Variants in WDFY1 observed in about 807,000 individuals in gnomAD.
The protein encoded by WDFY1 is WD repeat and FYVE domain containing 1.
In WDFY1, 32 loss-of-function variants were observed where a neutral mutation model predicts 56.4. That is an observed-to-expected ratio of 0.57 (90% CI 0.43 to 0.76). The LOEUF is 0.76. Ranked by LOEUF, WDFY1 falls within the 30% of genes least tolerant of loss-of-function variation. The pLI is 0.00. For missense variants in WDFY1, 480 were observed against 545.7 expected (o/e 0.88, Z 1.20); for synonymous variants, 192 against 197.3 (o/e 0.97, Z 0.23).
At chr2:223,921,141 G>A (rs1693878879) in intron 1 of WDFY1, among the ~76,000 whole-genome samples, 1 of 152,140 alleles carries the variant, frequency 6.6e-6, no homozygotes, top group South Asian at 2.1e-4. Context: ...ATATGTATTT[G>A]TTAGAACCTG....
At chr2:223,886,060 T>C (rs776446954) in intron 8 of WDFY1, among the ~76,000 whole-genome samples, 2 of 152,120 alleles carry the variant, frequency 1.3e-5, no homozygotes, top group South Asian at 2.1e-4. Flanking sequence ...ACTTAGAAAA[T>C]AGGCCAGGTG....
intron 1 of WDFY1, among the ~76,000 whole-genome samples, chr2:223,926,231 A>C (rs1693976039): frequency 6.6e-6 from 1 of 151,632 alleles, no homozygotes; most frequent in African/African-American, 2.4e-5. Context: ...ACTGCAACCT[A>C]TGCTTCCCAG....
intron 1 of WDFY1, among the ~76,000 whole-genome samples, chr2:223,927,133 T>G (rs952777160): frequency 6.6e-6 from 1 of 152,208 alleles, no homozygotes; most frequent in Non-Finnish European, 1.5e-5. Flanking sequence ...TAATTCTTAA[T>G]GGTCTTAGGA....
chr2:223,927,928 G>A (rs1231854938), intron 1 of WDFY1, among the ~76,000 whole-genome samples: 1 of 152,116 alleles, frequency 6.6e-6, no homozygotes, highest in South Asian at 2.1e-4. Context: ...GGGGGGAAAG[G>A]GGGAAAGGAG....
chr2:223,897,390 A>ATATATT (rs1461451983), intron 6 of WDFY1, among the ~76,000 whole-genome samples: 44 of 125,982 alleles, frequency 3.5e-4, no homozygotes, highest in Non-Finnish European at 6.1e-4. Context: ...ATATATATAT[A>ATATATT]TTTTTTAAGA....
At chr2:223,921,085 A>G (rs1693877999) in intron 1 of WDFY1, among the ~76,000 whole-genome samples, 1 of 152,126 alleles carries the variant, frequency 6.6e-6, no homozygotes, top group Non-Finnish European at 1.5e-5. Context: ...AAGAGAGAAA[A>G]CTTTCTAGGG....
At chr2:223,932,328 T>C (rs1255077755) in intron 1 of WDFY1, among the ~76,000 whole-genome samples, 1 of 150,912 alleles carries the variant, frequency 6.6e-6, no homozygotes, top group Admixed American at 6.6e-5. Flanking sequence ...TTCACCGTGT[T>C]AGCCAGGATG....
At chr2:223,903,945 G>T (rs1453434020) in intron 4 of WDFY1, among the ~76,000 whole-genome samples, 1 of 152,102 alleles carries the variant, frequency 6.6e-6, no homozygotes, top group African/African-American at 2.4e-5. Flanking sequence ...TAAGGAATTT[G>T]CCTTTTGACA....
chr2:223,928,235 A>G (rs1694018154), intron 1 of WDFY1, among the ~76,000 whole-genome samples: 1 of 152,232 alleles, frequency 6.6e-6, no homozygotes, highest in Admixed American at 6.5e-5. Flanking sequence ...TGCCTGGTGC[A>G]TGGTTGCCAT....
rs966714431 is a variant in WDFY1 at position 223,889,919 on chromosome 2, G to C, written c.831+4315C>G. 9.2e-5 allele frequency among the ~76,000 whole-genome samples: 14 copies of C among 152,138 alleles called. No homozygotes were observed. In the South Asian group the frequency reaches 1.0e-3, roughly 11 times the overall value. On this transcript the variant is annotated intron_variant, in intron 8 of 11. Coordinates refer to ENST00000233055, the MANE Select transcript of WDFY1 (RefSeq NM_020830.5). ...TTCATTATGTCCTAGGAGATACCGA[G>C]CAACACTATCCCTATTTTACAGGCA...
intron 3 of WDFY1, among the ~76,000 whole-genome samples, chr2:223,911,566 C>CCCCACA (rs1430404008): frequency 1.6e-4 from 22 of 136,038 alleles, no homozygotes; most frequent in African/African-American, 5.3e-4. Context: ...AGCTGAATGA[C>CCCCACA]CACACACACA....
intron 5 of WDFY1, chr2:223,900,950 C>A (rs1431004722): frequency 4.4e-6 from 2 of 456,276 alleles, no homozygotes; most frequent in Non-Finnish European, 7.7e-6. Flanking sequence ...CAATTTACAG[C>A]AAACTTACGG....
chr2:223,926,107 C>G (rs749925012), intron 1 of WDFY1, among the ~76,000 whole-genome samples: 45 of 152,226 alleles, frequency 3.0e-4, no homozygotes, highest in Middle Eastern at 3.4e-3. Context: ...TTACTTTGCC[C>G]AGATCTATCA....
At chr2:223,937,141 C>T (rs1019920542) in intron 1 of WDFY1, among the ~76,000 whole-genome samples, 2 of 152,080 alleles carry the variant, frequency 1.3e-5, no homozygotes, top group Non-Finnish European at 1.5e-5. Context: ...CTGCAAGTAA[C>T]CAAATATGGA....
At chr2:223,934,522 TA>T (rs1375396148) in intron 1 of WDFY1, among the ~76,000 whole-genome samples, 6 of 152,130 alleles carry the variant, frequency 3.9e-5, no homozygotes, top group South Asian at 2.1e-4. Context: ...AATTTTATTT[TA>T]TTTTTTTAAT....
intron 7 of WDFY1, 127 bp downstream of exon 7, chr2:223,895,377 G>T: frequency 7.2e-7 from 1 of 1,388,078 alleles, no homozygotes; most frequent in Non-Finnish European, 1.0e-6. Flanking sequence ...AGTGAACTGA[G>T]CCCTATCAAT....
At chr2:223,911,421 T>C (rs1693697886) in intron 3 of WDFY1, among the ~76,000 whole-genome samples, 1 of 152,142 alleles carries the variant, frequency 6.6e-6, no homozygotes, top group Admixed American at 6.5e-5. Context: ...TATATTTCAA[T>C]TAAGAAAAAA....
intron 1 of WDFY1, among the ~76,000 whole-genome samples, chr2:223,925,215 TAA>T (rs35020883): frequency 0.55 from 76,477 of 139,626 alleles, 21,116 homozygotes; most frequent in Non-Finnish European, 0.63. Context: ...TTTTTGTTCC[TAA>T]AAAAAAAAAA....
At chr2:223,900,613 A>G (rs1347195233) in intron 5 of WDFY1, among the ~76,000 whole-genome samples, 2 of 152,150 alleles carry the variant, frequency 1.3e-5, no homozygotes, top group Non-Finnish European at 1.5e-5. Context: ...TGAGAGTATT[A>G]TAAGGATTAT....
Sources: gnomAD v4.1 joint callset for allele counts (sites outside exome capture counted in the v4.1 genomes callset) on GRCh38, gnomAD v4.1.1 for gene constraint, MANE v1.5 for transcripts, NCBI Gene and HGNC (gene_info 2026-07-23, HGNC 2026-07-21) for gene names.